The following ARID5B variants were observed in gnomAD, a reference collection of about 807,000 sequenced individuals.
ARID5B encodes the protein AT-rich interaction domain 5B, also known as AT-rich interactive domain-containing protein 5B.
In ARID5B, 13 loss-of-function variants were observed where a neutral mutation model predicts 97.2. The observed-to-expected ratio is 0.13, with a 90% CI of 0.09 to 0.21. The LOEUF (loss-of-function observed/expected upper bound fraction) is 0.21, where lower values mean the gene tolerates loss of function less well. Among genes scored for constraint, ARID5B ranks in the 10% least tolerant of loss-of-function variants. ARID5B has a pLI of 1.00. For synonymous variants in ARID5B, 556 were observed against 570.3 expected, an observed-to-expected ratio of 0.97 and a Z score of 0.36; for missense variants, 1,210 against 1,465.3, an observed-to-expected ratio of 0.83 and a Z score of 2.84.
intron 3 of ARID5B, among the ~76,000 whole-genome samples, chr10:61,972,116 TA>T (rs1838635815): frequency 6.6e-6 from 1 of 152,066 alleles, no homozygotes; most frequent in Non-Finnish European, 1.5e-5. Context: ...AATACCACCA[TA>T]CTGAGATAAC....
At chr10:62,085,946 G>C in intron 9 of ARID5B, 46 bp downstream of exon 9, 1 of 1,574,580 alleles carries the variant, frequency 6.4e-7, no homozygotes, top group East Asian at 2.2e-5. Context: ...GACATGTGCT[G>C]CCTCGAGGTC....
chr10:62,015,114 TATC>T (rs1839266551), intron 4 of ARID5B, among the ~76,000 whole-genome samples: 1 of 152,242 alleles, frequency 6.6e-6, no homozygotes, highest in African/African-American at 2.4e-5. Flanking sequence ...GCATACCATG[TATC>T]AGGCACTGTT....
chr10:62,087,216 G>A lies in ARID5B; in HGVS notation c.1398+1316G>A, dbSNP rs542362598. ...CAGGAGGCTGAGGCAGGAGAATGGC[G>A]TGAACCCAGGAGGCGGAGCTTGCAG... On this transcript the variant is annotated intron_variant, in intron 9 of 9. Transcript: ENST00000279873. Among the ~76,000 whole-genome samples, 1,206 of 133,094 alleles carry A rather than the reference G, an allele frequency of 9.1e-3. 17 individuals carry two copies. The highest frequency in any genetic ancestry group is 0.059 in the Middle Eastern group (13 of 220). 87.3% of individuals were successfully genotyped at this position (133,094 alleles called of 152,430 possible). A position where few individuals can be genotyped will look rare whatever the true frequency, so the allele number is the denominator to read the frequency against.
chr10:62,036,885 G>A (rs1332807292), intron 4 of ARID5B, among the ~76,000 whole-genome samples: 1 of 152,138 alleles, frequency 6.6e-6, no homozygotes, highest in Admixed American at 6.5e-5. Flanking sequence ...TGGTGCCCGA[G>A]GTTTTCCTAA....
chr10:61,935,900 A>C (rs1162168289), intron 2 of ARID5B, among the ~76,000 whole-genome samples: 1 of 152,204 alleles, frequency 6.6e-6, no homozygotes, highest in African/African-American at 2.4e-5. Context: ...CGGAGTTCTC[A>C]TATCTCCTTC....
At chr10:61,955,037 A>G (rs967846820) in intron 3 of ARID5B, among the ~76,000 whole-genome samples, 6 of 151,946 alleles carry the variant, frequency 3.9e-5, no homozygotes, top group African/African-American at 1.4e-4. Context: ...ATGATGTGCC[A>G]TGGTTTTGTG....
chr10:61,964,844 A>G (rs1838520934), intron 3 of ARID5B, among the ~76,000 whole-genome samples: 1 of 152,182 alleles, frequency 6.6e-6, no homozygotes, highest in African/African-American at 2.4e-5. Context: ...ATTTTCCTAA[A>G]TTTGATTCAA....
chr10:62,031,791 A>G (rs1342243688), intron 4 of ARID5B, among the ~76,000 whole-genome samples: 1 of 152,204 alleles, frequency 6.6e-6, no homozygotes, highest in Non-Finnish European at 1.5e-5. Flanking sequence ...TTGTAGGAAT[A>G]TGAGCCCAGA....
chr10:62,059,992 TG>T (rs771111792), intron 7 of ARID5B, among the ~76,000 whole-genome samples: 1 of 152,220 alleles, frequency 6.6e-6, no homozygotes, highest in Non-Finnish European at 1.5e-5. Flanking sequence ...CCCACAGAGA[TG>T]ACATCTGTAA....
At chr10:62,089,267 AAAT>A (rs1404957287) in intron 9 of ARID5B, among the ~76,000 whole-genome samples, 1 of 152,196 alleles carries the variant, frequency 6.6e-6, no homozygotes, top group Non-Finnish European at 1.5e-5. Flanking sequence ...AAATAAAAAG[AAAT>A]AATGATGATA....
At chr10:61,931,311 A>C (rs1413146275) in intron 2 of ARID5B, among the ~76,000 whole-genome samples, 2 of 152,224 alleles carry the variant, frequency 1.3e-5, no homozygotes, top group East Asian at 3.8e-4. Flanking sequence ...ATCCACATGC[A>C]CAAAAATACA....
At chr10:62,088,890 T>TGG (rs1246966377) in intron 9 of ARID5B, among the ~76,000 whole-genome samples, 5 of 152,224 alleles carry the variant, frequency 3.3e-5, no homozygotes, top group Admixed American at 2.0e-4. Context: ...AGTTGCATGG[T>TGG]GGGAAGCTAA....
chr10:61,947,457 G>C (rs769979935), intron 3 of ARID5B, among the ~76,000 whole-genome samples: 1 of 151,734 alleles, frequency 6.6e-6, no homozygotes, highest in Non-Finnish European at 1.5e-5. Context: ...TTTCAGTAGA[G>C]ACGGGGTTTC....
At chr10:61,918,499 C>T (rs1351512659) in intron 2 of ARID5B, among the ~76,000 whole-genome samples, 1 of 152,162 alleles carries the variant, frequency 6.6e-6, no homozygotes, top group Non-Finnish European at 1.5e-5. Context: ...AGTCTTAGTG[C>T]TAGGCTGTTA....
At chr10:62,085,576 G>C in intron 8 of ARID5B, 126 bp from the exon 9 acceptor site, 1 of 788,840 alleles carries the variant, frequency 1.3e-6, no homozygotes, top group African/African-American at 1.7e-5. Context: ...TAGAAGTATA[G>C]CACTGTCACT....
Position 62,094,625 on chromosome 10 carries a change from T to C in ARID5B, c.*1595T>C, listed in dbSNP as rs144368866. ...GAATGTCCGTTGTCATTCTTGCCAC[T>C]GTATTCCATTTGCTACCGAGATATA... On this transcript the variant is annotated 3_prime_UTR_variant, in exon 10 of 10. Transcript: ENST00000279873. 1.7e-5 allele frequency: 4 copies of C among 230,910 alleles called. No homozygotes were observed. Among genetic ancestry groups the C allele is most frequent in the Non-Finnish European group, 3.4e-5 (4 of 116,662 alleles). The allele number at this position is 230,910 out of a possible 1,614,324, so 14.3% of individuals were successfully genotyped here. A position where few individuals can be genotyped will look rare whatever the true frequency, so the allele number is the denominator to read the frequency against.
rs117444697 is a variant in ARID5B at position 61,937,705 on chromosome 10, C to A, written c.277-2478C>A. On this transcript the variant is annotated intron_variant, in intron 2 of 9. Transcript: ENST00000279873. The stretch of plus-strand genomic sequence containing the variant: ...ATCATGAGATGAGCTTATTGAAATT[C>A]TTTTCTTAGACATAGAGACTTGCCC... 2.7e-3 allele frequency among the ~76,000 whole-genome samples: 412 copies of A among 152,288 alleles called. 2 individuals carry two copies. Among genetic ancestry groups the A allele is most frequent in the Non-Finnish European group, 4.9e-3 (334 of 68,014 alleles).
intron 3 of ARID5B, among the ~76,000 whole-genome samples, chr10:61,977,887 G>T (rs1440680842): frequency 6.6e-6 from 1 of 152,166 alleles, no homozygotes; most frequent in Non-Finnish European, 1.5e-5. Context: ...GTCAATTTAG[G>T]CTTTTGTTGC....
intron 2 of ARID5B, among the ~76,000 whole-genome samples, chr10:61,902,883 G>A (rs904371052): frequency 6.6e-6 from 1 of 152,072 alleles, no homozygotes; most frequent in African/African-American, 2.4e-5. Flanking sequence ...ATGTTTAAGA[G>A]GGCGGAAATT....
Sources: gnomAD v4.1 joint callset for allele counts (sites outside exome capture counted in the v4.1 genomes callset) on GRCh38, gnomAD v4.1.1 for gene constraint, MANE v1.5 for transcripts, NCBI Gene and HGNC (gene_info 2026-07-23, HGNC 2026-07-21) for gene names.